The following ST6GAL2 variants were observed in gnomAD, a reference collection of about 807,000 sequenced individuals.
The protein encoded by ST6GAL2 is ST6 beta-galactoside alpha-2,6-sialyltransferase 2.
ST6GAL2 carries 24 observed loss-of-function variants against 37.5 expected under a neutral mutation model. The ratio of observed to expected loss-of-function variants is 0.64; its 90% confidence interval spans 0.46 to 0.90. The LOEUF is 0.90. Ranked by LOEUF, ST6GAL2 falls within the 40% of genes least tolerant of loss-of-function variation. The probability of loss-of-function intolerance (pLI) is 0.00; values close to 1 mark genes in which losing one functional copy is unlikely to be tolerated. For synonymous variants in ST6GAL2, 306 were observed against 295.1 expected, an observed-to-expected ratio of 1.04 and a Z score of -0.38; for missense variants, 715 against 712.7, an observed-to-expected ratio of 1.00 and a Z score of -0.04.
intron 5 of ST6GAL2, among the ~76,000 whole-genome samples, chr2:106,825,442 A>G (rs1676165865): frequency 6.6e-6 from 1 of 152,220 alleles, no homozygotes; most frequent in African/African-American, 2.4e-5. Context: ...CATCCAACCA[A>G]TCTTCTCCCA....
chr2:106,872,681 CTCACTGCA>C (rs1465681998), intron 1 of ST6GAL2, among the ~76,000 whole-genome samples: 1 of 33,700 alleles, frequency 3.0e-5, no homozygotes, highest in Admixed American at 3.2e-4. Context: ...ATGATCTCGG[CTCACTGCA>C]CTCCCGGGTT....
chr2:106,887,252 C>T (rs1429749438), upstream of ST6GAL2: 1 of 152,254 alleles, frequency 6.6e-6, no homozygotes, highest in Non-Finnish European at 1.5e-5. Context: ...TCCCTTTGTT[C>T]ATCTCGCTCA....
chr2:106,809,771 G>A (rs1675542366), intron 5 of ST6GAL2, among the ~76,000 whole-genome samples: 1 of 152,156 alleles, frequency 6.6e-6, no homozygotes, highest in South Asian at 2.1e-4. Context: ...CAATGCTTTT[G>A]TAAAATACCA....
Position 106,806,820 on chromosome 2 carries a change from TG to T in ST6GAL2, c.1447del (p.His483ThrfsTer13). 6.2e-7 allele frequency: 1 copy of T among 1,614,172 alleles called. No homozygotes were observed. Among genetic ancestry groups the T allele is most frequent in the South Asian group, 1.1e-5 (1 of 91,078 alleles). On this transcript the variant is annotated frameshift_variant, in exon 6 of 6. Coordinates refer to ENST00000409382, the MANE Select transcript of ST6GAL2 (RefSeq NM_001142351.2). LOFTEE classifies it low-confidence loss of function (END_TRUNC). ...YDAACTLGAY[H>X]PLLYEKLLVQ... ...CAGGAGCTTCTCATAGAGTAGTGGG[TG>T]GTACGCCCCGAGGGTGCAGGCTGCG...
intron 2 of ST6GAL2, among the ~76,000 whole-genome samples, chr2:106,840,031 C>T (rs1431623754): frequency 1.3e-5 from 2 of 152,096 alleles, no homozygotes; most frequent in African/African-American, 4.8e-5. Flanking sequence ...GGAGCAAACA[C>T]CAGGGGGAGC....
chr2:106,851,376 ATAGT>A (rs757305298), intron 1 of ST6GAL2, among the ~76,000 whole-genome samples: 3 of 152,334 alleles, frequency 2.0e-5, no homozygotes, highest in Non-Finnish European at 2.9e-5. Context: ...TTTCTTAGGG[ATAGT>A]TAAAGTAGCA....
intron 1 of ST6GAL2, among the ~76,000 whole-genome samples, chr2:106,857,105 T>A (rs1242889359): frequency 6.6e-6 from 1 of 152,106 alleles, no homozygotes; most frequent in Non-Finnish European, 1.5e-5. Context: ...TGTGGTAGAG[T>A]AGTATCGACA....
chr2:106,861,879 G>A (rs953551154), intron 1 of ST6GAL2, among the ~76,000 whole-genome samples: 1 of 151,992 alleles, frequency 6.6e-6, no homozygotes, highest in African/African-American at 2.4e-5. Context: ...TGATCTGCCC[G>A]CCTTTGGCCT....
intron 1 of ST6GAL2, among the ~76,000 whole-genome samples, chr2:106,881,292 T>C (rs1320886584): frequency 2.0e-5 from 3 of 152,170 alleles, no homozygotes; most frequent in Non-Finnish European, 2.9e-5. Flanking sequence ...CATACAGAGA[T>C]TTCTAATGGG....
intron 1 of ST6GAL2, among the ~76,000 whole-genome samples, chr2:106,874,245 T>A (rs750443049): frequency 3.3e-5 from 5 of 151,952 alleles, no homozygotes; most frequent in Non-Finnish European, 7.4e-5. Flanking sequence ...TTAAATCATG[T>A]TAGGTGTGTG....
intron 3 of ST6GAL2, among the ~76,000 whole-genome samples, chr2:106,833,542 C>T (rs930875156): frequency 2.0e-5 from 3 of 152,122 alleles, no homozygotes; most frequent in Admixed American, 2.0e-4. Context: ...GATAACTTTG[C>T]TATAAATTTT....
rs528100540 is a variant in ST6GAL2 at position 106,843,732 on chromosome 2, G to A, written c.246C>T (p.Arg82=). 2 of 1,612,322 alleles carry A rather than the reference G, an allele frequency of 1.2e-6. No homozygotes were observed. The highest frequency in any genetic ancestry group is 2.2e-5 in the East Asian group (1 of 44,840). ...CATGAAAGGAACCGGCTGGGTGGGC[G>A]CGGGGCAGCGCCTGGCGTGCGTCCA... ...GGLDARQALP[R]AHPAGSFHAG... The change falls in exon 2 of 6, where the codon CGC becomes CGT. Residue 82 remains arginine (R), a synonymous_variant. Transcript: ENST00000409382.
intron 2 of ST6GAL2, chr2:106,834,564 C>G (rs1210599178): frequency 6.5e-6 from 1 of 153,902 alleles, no homozygotes; most frequent in Non-Finnish European, 1.4e-5. Context: ...AAAAAGAAAG[C>G]CAGCCCTGCA....
chr2:106,837,330 T>A (rs894655307), intron 2 of ST6GAL2, among the ~76,000 whole-genome samples: 8 of 152,176 alleles, frequency 5.3e-5, no homozygotes, highest in African/African-American at 1.9e-4. Context: ...AAGGTTGAGC[T>A]TTGGGTTCTG....
At chr2:106,877,560 C>T (rs1678558942) in intron 1 of ST6GAL2, among the ~76,000 whole-genome samples, 1 of 152,184 alleles carries the variant, frequency 6.6e-6, no homozygotes, top group Non-Finnish European at 1.5e-5. Context: ...ATTTCTCCCC[C>T]ACCTTAGAGA....
chr2:106,858,290 A>T (rs1389544868), intron 1 of ST6GAL2, among the ~76,000 whole-genome samples: 1 of 152,210 alleles, frequency 6.6e-6, no homozygotes, highest in Non-Finnish European at 1.5e-5. Flanking sequence ...AATCAAAAAG[A>T]ACTTCTCCTG....
chr2:106,879,226 T>C (rs2104649052), intron 1 of ST6GAL2, among the ~76,000 whole-genome samples: 1 of 152,304 alleles, frequency 6.6e-6, no homozygotes, highest in Admixed American at 6.5e-5. Flanking sequence ...CCAATGGTGA[T>C]ATATGGGGTA....
At chr2:106,866,688 A>G (rs948256121) in intron 1 of ST6GAL2, among the ~76,000 whole-genome samples, 5 of 152,182 alleles carry the variant, frequency 3.3e-5, no homozygotes, top group Non-Finnish European at 7.3e-5. Context: ...ATTTCCTTAT[A>G]TTGGCCAAAC....
At chr2:106,832,495 T>C in intron 4 of ST6GAL2, 70 bp downstream of exon 4, 1 of 800,884 alleles carries the variant, frequency 1.2e-6, no homozygotes, top group Non-Finnish European at 2.1e-6. Flanking sequence ...ATCCTTGCCT[T>C]GCTCTTATGA....
Sources: allele counts gnomAD v4.1 joint callset (sites outside exome capture counted in the v4.1 genomes callset), GRCh38; gene constraint gnomAD v4.1.1; transcripts MANE v1.5; gene names NCBI Gene and HGNC (gene_info 2026-07-23, HGNC 2026-07-21).